Variants in CFAP69 observed in about 807,000 individuals in gnomAD.
CFAP69 encodes the protein cilia- and flagella-associated protein 69.
A neutral mutation model predicts 123.0 loss-of-function variants in CFAP69; 92 were observed. The observed-to-expected ratio is 0.75, with a 90% CI of 0.63 to 0.89. The LOEUF is 0.89. Among genes scored for constraint, CFAP69 ranks in the 40% least tolerant of loss-of-function variants. The pLI is 0.00. For synonymous variants in CFAP69, 380 were observed against 364.3 expected, an observed-to-expected ratio of 1.04 and a Z score of -0.49; for missense variants, 1,067 against 1,096.9, an observed-to-expected ratio of 0.97 and a Z score of 0.39.
At position 90,299,791 on chromosome 7, in the gene CFAP69, T is replaced by C. The variant is rs564200848; in HGVS notation, c.1858-76T>C. The C allele has an allele frequency of 8.5e-6, 10 of 1,179,664 alleles. No homozygotes were observed. The East Asian group carries it at 2.7e-4, about 32-fold the overall frequency. The allele number at this position is 1,179,664 out of a possible 1,614,324, so 73.1% of individuals were successfully genotyped here. A position where few individuals can be genotyped will look rare whatever the true frequency, so the allele number is the denominator to read the frequency against. On this transcript the variant is annotated intron_variant, in intron 16 of 22. Transcript: ENST00000389297. ...GAAACTTAATGATAATAGAAGTGTT[T>C]CTCTCTTTTTTTTTTGAAGACAATA...
downstream of CFAP69, among the ~76,000 whole-genome samples, chr7:90,314,630 A>G (rs986690577): frequency 4.6e-5 from 7 of 152,098 alleles, no homozygotes; most frequent in Non-Finnish European, 7.4e-5. Context: ...GAAAAAGAAA[A>G]AAAAATGATG....
chr7:90,307,630 CA>C, intron 20 of CFAP69, 137 bp from the exon 21 acceptor site: 1 of 525,834 alleles, frequency 1.9e-6, no homozygotes, highest in East Asian at 3.2e-5. Context: ...TTTATTTCTA[CA>C]GTCTTAAATT....
In CFAP69 at chr7:90,252,110, C is replaced by CTGTGTGTGTGTGTGTG. The variant is rs71837087; in HGVS notation, c.121-3292_121-3277dup. On this transcript the variant is annotated intron_variant, in intron 1 of 22. Transcript: ENST00000389297. ...CAGAAAACCAGAAAAGAAAAACCCACTGTGTGTGTGTGTGTGTGTGTGTGT... is the reference window on the plus strand; with the variant it reads ...CAGAAAACCAGAAAAGAAAAACCCACTGTGTGTGTGTGTGTGTGTGTGTGTGTGTGTGTGTGTGTGT... 4.1e-5 allele frequency: 6 copies of CTGTGTGTGTGTGTGTG among 146,678 alleles called. No homozygotes were observed. In the East Asian group the frequency reaches 8.2e-4, roughly 20 times the overall value. 9.1% of individuals were successfully genotyped at this position (146,678 alleles called of 1,614,324 possible).
the CFAP69 span, chr7:90,317,660 A>T: frequency 6.6e-6 from 1 of 152,186 alleles, no homozygotes; most frequent in Admixed American, 6.5e-5. Context: ...GAGTGTTTAT[A>T]TATAAAACCC....
At chr7:90,303,808 T>G (rs966666135) in intron 17 of CFAP69, 161 bp from the exon 18 acceptor site, 5 of 1,202,886 alleles carry the variant, frequency 4.2e-6, no homozygotes, top group Non-Finnish European at 5.2e-6. Context: ...AATAGCTGCT[T>G]AATTATTATT....
chr7:90,251,460 C>T (rs1796993494), intron 1 of CFAP69, among the ~76,000 whole-genome samples: 1 of 152,200 alleles, frequency 6.6e-6, no homozygotes, highest in South Asian at 2.1e-4. Flanking sequence ...CCTGACTTTT[C>T]TGAGCCAATT....
At chr7:90,317,568 G>A in the CFAP69 span, 1 of 151,856 alleles carries the variant, frequency 6.6e-6, no homozygotes, top group Non-Finnish European at 1.5e-5. Flanking sequence ...ATTGCCGAAC[G>A]CTATGAGGTC....
chr7:90,247,313 G>A (rs917863179), intron 1 of CFAP69, among the ~76,000 whole-genome samples: 13 of 152,278 alleles, frequency 8.5e-5, no homozygotes, highest in Non-Finnish European at 1.6e-4. Context: ...GCCAGTTTAG[G>A]AAAGATCCTG....
In CFAP69 at chr7:90,265,345, C is replaced by G. The variant is rs1383527119; in HGVS notation, c.401C>G (p.Ala134Gly). 6.2e-7 allele frequency: 1 copy of G among 1,611,424 alleles called. No individual in the cohort carries two copies. Among genetic ancestry groups the G allele is most frequent in the Non-Finnish European group, 8.5e-7 (1 of 1,178,374 alleles). Residue 134 changes from alanine (A) to glycine (G), a missense_variant, in exon 5 of 23, where the codon GCT becomes GGT. Coordinates refer to ENST00000389297, the MANE Select transcript of CFAP69 (RefSeq NM_001039706.3). Reference protein sequence around the residue: ...KKKVSDEITYAEDTANSIALL... With the variant: ...KKKVSDEITYGEDTANSIALL... ...AAAGTGTCGGATGAAATAACTTATG[C>G]TGAAGATACTGCTAATTCAATTGCA...
chr7:90,293,849 GCCATAAAGCA>G (rs1479479938), intron 15 of CFAP69, among the ~76,000 whole-genome samples: 8 of 152,120 alleles, frequency 5.3e-5, no homozygotes, highest in African/African-American at 1.9e-4. Flanking sequence ...GCCTTACCTA[GCCATAAAGCA>G]GGCAAGTTAC....
chr7:90,314,978 C>T (rs1362490844), downstream of CFAP69, among the ~76,000 whole-genome samples: 1 of 151,906 alleles, frequency 6.6e-6, no homozygotes, highest in African/African-American at 2.4e-5. Context: ...AGATGTCATA[C>T]ATGGAGCCAA....
intron 12 of CFAP69, among the ~76,000 whole-genome samples, chr7:90,281,510 A>G (rs749392836): frequency 6.6e-6 from 1 of 152,200 alleles, no homozygotes; most frequent in Non-Finnish European, 1.5e-5. Flanking sequence ...GATACTGCCA[A>G]TCAGTGAGGG....
At chr7:90,309,449 C>G in intron 22 of CFAP69, 82 bp downstream of exon 22, 1 of 703,726 alleles carries the variant, frequency 1.4e-6, no homozygotes. Flanking sequence ...TACTGAAAAC[C>G]ATTGAATTTT....
At position 90,271,859 on chromosome 7, in the gene CFAP69, G is replaced by A. The variant is rs1169487597; in HGVS notation, c.761G>A (p.Gly254Glu). Residue 254 changes from glycine to glutamate, a missense_variant, in exon 8 of 23, where the codon GGA becomes GAA. Coordinates refer to ENST00000389297, the MANE Select transcript of CFAP69 (RefSeq NM_001039706.3). ...CTHLNDPDPS[G>E]QLLFRSSEIL... ...CACCTCAATGACCCAGATCCCTCTG[G>A]ACAGCTTTTATTTCGTTCATCAGAA... The A allele has an allele frequency of 1.9e-6, 3 of 1,608,074 alleles. No individual in the cohort carries two copies. The highest frequency in any genetic ancestry group is 2.2e-5 in the South Asian group (2 of 90,366).
At chr7:90,267,217 C>T (rs1467907562) in intron 5 of CFAP69, among the ~76,000 whole-genome samples, 4 of 152,156 alleles carry the variant, frequency 2.6e-5, no homozygotes, top group African/African-American at 4.8e-5. Context: ...ATATCTTTTG[C>T]AGAGATTCTC....
At chr7:90,314,637 G>T (rs1794610113), downstream of CFAP69, among the ~76,000 whole-genome samples, 2 of 151,302 alleles carry the variant, frequency 1.3e-5, no homozygotes, top group African/African-American at 2.4e-5. Flanking sequence ...AAAAAAAAAT[G>T]ATGAGAGGTA....
At position 90,300,004 on chromosome 7, in the gene CFAP69, G is replaced by T. The variant is rs1396292702; in HGVS notation, c.1995G>T (p.Trp665Cys). 1.2e-6 allele frequency: 2 copies of T among 1,609,892 alleles called. No individual in the cohort carries two copies. Among genetic ancestry groups the T allele is most frequent in the Non-Finnish European group, 1.7e-6 (2 of 1,178,388 alleles). The change falls in exon 17 of 23, where the codon TGG (tryptophan) becomes TGT (cysteine). Residue 665 changes from tryptophan to cysteine, a missense_variant. By Grantham distance (215) the Trp-to-Cys change is radical (BLOSUM62 -2). Transcript: ENST00000389297. ...CTGCTAGTCTTTTAATTAAATTGTG[G>T]AGAAAGGAGGAAAAAGAACTAGGAG... is the stretch of plus-strand genomic sequence containing the variant. ...QTAASLLIKL[W>C]RKEEKELGVK...
At chr7:90,248,437 A>G (rs539387179) in intron 1 of CFAP69, among the ~76,000 whole-genome samples, 4 of 152,330 alleles carry the variant, frequency 2.6e-5, no homozygotes, top group African/African-American at 9.6e-5. Flanking sequence ...TAACTTTGTA[A>G]AAGGCAATAG....
rs913716061 is a variant in CFAP69 at position 90,255,426 on chromosome 7, G to T, written c.124G>T (p.Val42Phe). ...GTAAGAGTTGTATGTTTTTTAGGATGTTTTCAAGCCTATGGACCTTAATCG... is the reference window on the plus strand; with the variant it reads ...GTAAGAGTTGTATGTTTTTTAGGATTTTTTCAAGCCTATGGACCTTAATCG... ...VVTEDDEAQD[V>F]FKPMDLNRVI... Residue 42 changes from valine (V) to phenylalanine (F), a missense_variant, in exon 2 of 23, where the codon GTT becomes TTT. Physicochemically the swap from Val to Phe is conservative, Grantham distance 50. Coordinates refer to ENST00000389297, the MANE Select transcript of CFAP69 (RefSeq NM_001039706.3). 2 of 1,611,716 alleles carry T rather than the reference G, an allele frequency of 1.2e-6. No homozygotes were observed. Among genetic ancestry groups the T allele is most frequent in the African/African-American group, 2.7e-5 (2 of 74,984 alleles).
Sources: gnomAD v4.1 joint callset for allele counts (sites outside exome capture counted in the v4.1 genomes callset) on GRCh38, gnomAD v4.1.1 for gene constraint, MANE v1.5 for transcripts, NCBI Gene and HGNC (gene_info 2026-07-23, HGNC 2026-07-21) for gene names.